PDE7B: variants seen among roughly 807,000 people sequenced by gnomAD.
PDE7B encodes 3',5'-cyclic-AMP phosphodiesterase 7B.
PDE7B carries 29 observed loss-of-function variants against 56.2 expected under a neutral mutation model. The observed-to-expected ratio is 0.52, with a 90% CI of 0.38 to 0.70. The LOEUF is 0.70. Among genes scored for constraint, PDE7B ranks in the 30% least tolerant of loss-of-function variants. The pLI, the probability that PDE7B is intolerant of heterozygous loss-of-function variation, is 0.00. For missense variants in PDE7B, 490 were observed against 565.0 expected, an observed-to-expected ratio of 0.87 and a Z score of 1.35; for synonymous variants, 197 against 196.9, an observed-to-expected ratio of 1.00 and a Z score of 0.00.
chr6:136,142,228 GGAGCAGGTTGTTCAGTTTCCATGTAGTT>G (rs1206398683), intron 3 of PDE7B, among the ~76,000 whole-genome samples: 2 of 152,170 alleles, frequency 1.3e-5, no homozygotes, highest in Non-Finnish European at 2.9e-5. Flanking sequence ...TAGTCATTCA[GGAGCAGGTTGTTCAGTTTCCATGTAGTT>G]GAGCAGTTTG....
At chr6:135,911,225 G>A (rs1298410478) in intron 1 of PDE7B, among the ~76,000 whole-genome samples, 1 of 152,142 alleles carries the variant, frequency 6.6e-6, no homozygotes, top group African/African-American at 2.4e-5. Flanking sequence ...GCTGTGGCAG[G>A]AAAATTCTAG....
At chr6:135,905,031 C>T (rs995098216) in intron 1 of PDE7B, among the ~76,000 whole-genome samples, 4 of 152,208 alleles carry the variant, frequency 2.6e-5, no homozygotes, top group African/African-American at 9.6e-5. Context: ...TAACGTTTTG[C>T]TGTCACCATC....
intron 2 of PDE7B, among the ~76,000 whole-genome samples, chr6:136,024,955 T>C (rs897663306): frequency 6.6e-6 from 1 of 152,188 alleles, no homozygotes; most frequent in Non-Finnish European, 1.5e-5. Flanking sequence ...CTACGACCAA[T>C]CTGTTTTATT....
intron 1 of PDE7B, among the ~76,000 whole-genome samples, chr6:135,921,071 G>A (rs1043769897): frequency 6.6e-6 from 1 of 152,132 alleles, no homozygotes; most frequent in Non-Finnish European, 1.5e-5. Context: ...AGGCCCCGAG[G>A]AGGATCGCCT....
chr6:136,181,165 G>A (rs1395200678), intron 10 of PDE7B, 62 bp from the exon 11 acceptor site: 1 of 1,167,318 alleles, frequency 8.6e-7, no homozygotes, highest in African/African-American at 1.5e-5. Flanking sequence ...CTTTGGCTTG[G>A]GGTGCTTTTG....
chr6:136,169,656 T>C (rs1778849555), intron 8 of PDE7B, among the ~76,000 whole-genome samples: 1 of 152,196 alleles, frequency 6.6e-6, no homozygotes, highest in African/African-American at 2.4e-5. Flanking sequence ...CTTGAATTAG[T>C]CTTGCAAGTG....
intron 2 of PDE7B, among the ~76,000 whole-genome samples, chr6:135,992,501 C>T (rs748038482): frequency 2.6e-5 from 4 of 152,218 alleles, no homozygotes; most frequent in Non-Finnish European, 4.4e-5. Context: ...CAAGCCAGCA[C>T]TGCACAGTGC....
intron 2 of PDE7B, among the ~76,000 whole-genome samples, chr6:135,970,487 T>G (rs1775076054): frequency 6.6e-6 from 1 of 152,092 alleles, no homozygotes; most frequent in African/African-American, 2.4e-5. Flanking sequence ...TGCATGCAAA[T>G]CACCTGGGCA....
intron 2 of PDE7B, among the ~76,000 whole-genome samples, chr6:135,954,904 G>A (rs949117599): frequency 2.6e-5 from 4 of 152,080 alleles, no homozygotes; most frequent in African/African-American, 9.7e-5. Flanking sequence ...ATTTTTGAAT[G>A]CAGCTGGAAG....
At chr6:136,075,768 G>T (rs1462229928) in intron 2 of PDE7B, among the ~76,000 whole-genome samples, 1 of 152,098 alleles carries the variant, frequency 6.6e-6, no homozygotes, top group African/African-American at 2.4e-5. Context: ...GAACGACCTG[G>T]GTTACATAAC....
At chr6:135,926,291 G>A (rs375684896) in intron 1 of PDE7B, among the ~76,000 whole-genome samples, 7 of 152,100 alleles carry the variant, frequency 4.6e-5, no homozygotes, top group Non-Finnish European at 7.4e-5. Flanking sequence ...GTTTCACCGT[G>A]TTAGCCAGGA....
rs538972272 is a variant in PDE7B, at chr6:135,854,229, A to G, written c.21+2210A>G. ...GAAGCTGTTTGTTGACTCACAGAAGATAGTGTTGGAAGGAATTTATTAAGT... is the reference window on the plus strand; with the variant it reads ...GAAGCTGTTTGTTGACTCACAGAAGGTAGTGTTGGAAGGAATTTATTAAGT... On this transcript the variant is annotated intron_variant, in intron 1 of 12. Transcript: ENST00000308191. 5.3e-5 allele frequency among the ~76,000 whole-genome samples: 8 copies of G among 152,292 alleles called. No individual in the cohort carries two copies. In the East Asian group the frequency reaches 1.5e-3, roughly 29 times the overall value.
intron 2 of PDE7B, among the ~76,000 whole-genome samples, chr6:135,975,840 A>T (rs577873068): frequency 6.6e-6 from 1 of 152,246 alleles, no homozygotes; most frequent in East Asian, 1.9e-4. Context: ...CAGGACTGGG[A>T]CAGTTGGTAA....
intron 3 of PDE7B, among the ~76,000 whole-genome samples, chr6:136,131,845 A>G (rs1778124671): frequency 6.6e-6 from 1 of 152,112 alleles, no homozygotes; most frequent in Non-Finnish European, 1.5e-5. Flanking sequence ...GGTGTTTTCT[A>G]GTTATTTTAC....
chr6:135,857,743 A>G (rs1326754327), intron 1 of PDE7B, among the ~76,000 whole-genome samples: 1 of 152,224 alleles, frequency 6.6e-6, no homozygotes, highest in Admixed American at 6.5e-5. Flanking sequence ...AAATCATACA[A>G]TAGAACACCA....
intron 9 of PDE7B, among the ~76,000 whole-genome samples, chr6:136,175,976 A>G (rs1292412389): frequency 6.6e-6 from 1 of 151,958 alleles, no homozygotes; most frequent in African/African-American, 2.4e-5. Flanking sequence ...TTTGACATAT[A>G]TGTATGTATA....
chr6:135,942,176 T>C (rs1484330030), intron 1 of PDE7B, among the ~76,000 whole-genome samples: 1 of 152,100 alleles, frequency 6.6e-6, no homozygotes, highest in Non-Finnish European at 1.5e-5. Flanking sequence ...ATTTTAAAAA[T>C]GACTCCTAAC....
Position 136,173,835 on chromosome 6 carries a change from A to G in PDE7B, c.750A>G (p.Thr250=). The G allele has an allele frequency of 6.2e-7, 1 of 1,613,010 alleles. No homozygotes were observed. Among genetic ancestry groups the G allele is most frequent in the Non-Finnish European group, 8.5e-7 (1 of 1,179,168 alleles). ...SVLENHHWRS[T]IGMLRESRLL... ...TGGAGAATCATCACTGGCGATCTAC[A>G]ATTGGCATGCTTCGAGAATCAAGGC... The change falls in exon 9 of 13, where the codon ACA becomes ACG. Residue 250 remains threonine, a synonymous_variant. Coordinates refer to ENST00000308191, the MANE Select transcript of PDE7B (RefSeq NM_018945.4).
At chr6:135,923,872 G>T (rs973617177) in intron 1 of PDE7B, among the ~76,000 whole-genome samples, 1 of 152,086 alleles carries the variant, frequency 6.6e-6, no homozygotes, top group Admixed American at 6.5e-5. Context: ...CCAACCAGTT[G>T]TTACCAAGAG....
Sources: allele counts gnomAD v4.1 joint callset (sites outside exome capture counted in the v4.1 genomes callset), GRCh38; gene constraint gnomAD v4.1.1; transcripts MANE v1.5; gene names NCBI Gene and HGNC (gene_info 2026-07-23, HGNC 2026-07-21).